Variants in SPRED2 observed in about 807,000 individuals in gnomAD.
SPRED2 encodes sprouty related EVH1 domain containing 2.
A neutral mutation model predicts 43.0 loss-of-function variants in SPRED2; 47 were observed. That is an observed-to-expected ratio of 1.09 (90% CI 0.87 to 1.40). SPRED2 has a LOEUF of 1.40. Ranked by LOEUF, SPRED2 falls within the 40% of genes most tolerant of loss-of-function variation. SPRED2 has a pLI of 0.00. For missense variants in SPRED2, 561 were observed against 586.4 expected (o/e 0.96, Z 0.45); for synonymous variants, 225 against 225.7 (o/e 1.00, Z 0.03).
At chr2:65,327,951 T>C (rs1422644747) in intron 4 of SPRED2, among the ~76,000 whole-genome samples, 3 of 152,018 alleles carry the variant, frequency 2.0e-5, no homozygotes. Context: ...CTTGAATTGC[T>C]GACCTCGTGA....
chr2:65,345,410 G>A (rs1268496290), intron 1 of SPRED2, among the ~76,000 whole-genome samples: 1 of 151,948 alleles, frequency 6.6e-6, no homozygotes, highest in African/African-American at 2.4e-5. Flanking sequence ...ATAGGCACCT[G>A]CCACCATGCC....
At chr2:65,353,073 A>C (rs769973892) in intron 1 of SPRED2, among the ~76,000 whole-genome samples, 1 of 152,210 alleles carries the variant, frequency 6.6e-6, no homozygotes, top group Non-Finnish European at 1.5e-5. Context: ...TTTGCTTTAC[A>C]ATGACTGGGG....
Position 65,432,235 on chromosome 2 carries a change from C to T in SPRED2, c.-248G>A. The T allele has an allele frequency of 1.9e-6, 1 of 529,144 alleles. No homozygotes were observed. Among genetic ancestry groups the T allele is most frequent in the East Asian group, 3.2e-5 (1 of 31,054 alleles). 32.8% of individuals were successfully genotyped at this position (529,144 alleles called of 1,614,324 possible). On this transcript the variant is annotated 5_prime_UTR_variant, in exon 1 of 6. Coordinates refer to ENST00000356388, the MANE Select transcript of SPRED2 (RefSeq NM_181784.3). ...CGCCGTGGGGAGAGGCGGGCGGAGG[C>T]TCCGGGGGCTCGGGAGCGGGCAGAG... is the stretch of plus-strand genomic sequence containing the variant.
intron 1 of SPRED2, among the ~76,000 whole-genome samples, chr2:65,370,054 G>A (rs182579794): frequency 2.5e-4 from 38 of 152,242 alleles, no homozygotes; most frequent in African/African-American, 9.1e-4. Context: ...AAGAAAATGC[G>A]GATATCAATG....
chr2:65,411,137 T>G (rs987557849), intron 1 of SPRED2, among the ~76,000 whole-genome samples: 1 of 152,208 alleles, frequency 6.6e-6, no homozygotes, highest in Non-Finnish European at 1.5e-5. Flanking sequence ...AGAAAAAAAG[T>G]TTGCTTTCCA....
At chr2:65,383,986 G>A (rs902346542) in intron 1 of SPRED2, among the ~76,000 whole-genome samples, 4 of 152,060 alleles carry the variant, frequency 2.6e-5, no homozygotes, top group Non-Finnish European at 5.9e-5. Flanking sequence ...TGTCCCACCA[G>A]AGATTTCCGG....
chr2:65,412,404 T>C (rs1421808383), intron 1 of SPRED2, among the ~76,000 whole-genome samples: 1 of 152,154 alleles, frequency 6.6e-6, no homozygotes, highest in Non-Finnish European at 1.5e-5. Context: ...CTGACAAGAA[T>C]TGCACGCCAG....
At chr2:65,366,720 A>G (rs1301954033) in intron 1 of SPRED2, 37 of 1,518,854 alleles carry the variant, frequency 2.4e-5, no homozygotes, top group Admixed American at 6.7e-5. Flanking sequence ...CTGCCTGAGA[A>G]GTGGTTTCCC....
chr2:65,315,192 G>T (rs1673198931), intron 5 of SPRED2, among the ~76,000 whole-genome samples: 1 of 152,182 alleles, frequency 6.6e-6, no homozygotes, highest in African/African-American at 2.4e-5. Context: ...GGGCATGAAG[G>T]TTTTTCAGGG....
chr2:65,400,754 C>T (rs147299383), intron 1 of SPRED2, among the ~76,000 whole-genome samples: 2 of 152,160 alleles, frequency 1.3e-5, no homozygotes, highest in East Asian at 3.9e-4. Context: ...TGGTTCAGTC[C>T]TGAATCTGGA....
At chr2:65,356,359 T>C (rs536817598) in intron 1 of SPRED2, among the ~76,000 whole-genome samples, 2 of 152,264 alleles carry the variant, frequency 1.3e-5, no homozygotes, top group East Asian at 3.9e-4. Context: ...CATACACTTC[T>C]TTCAACTTTT....
chr2:65,316,807 C>A lies in SPRED2; in HGVS notation c.515G>T (p.Cys172Phe), dbSNP rs1224715374. Residue 172 changes from cysteine (C) to phenylalanine (F), a missense_variant, in exon 5 of 6, where the codon TGT (cysteine) becomes TTT (phenylalanine). This residue lies in a region of SPRED2 where 305 missense variants were observed against 282.4 expected (regional missense o/e 1.08). Transcript: ENST00000356388. Reference protein sequence around the residue: ...PTRTISSPTSCEHRRIYTLGH... With the variant: ...PTRTISSPTSFEHRRIYTLGH... The stretch of plus-strand genomic sequence containing the variant: ...CAGGGTATAAATCCTCCGGTGCTCA[C>A]AGGATGTGGGAGAGGAGATTGTCCG... 2 of 1,613,534 alleles carry A rather than the reference C, an allele frequency of 1.2e-6. No homozygotes were observed. The highest frequency in any genetic ancestry group is 1.7e-6 in the Non-Finnish European group (2 of 1,179,876).
At chr2:65,370,257 C>A (rs544556771) in intron 1 of SPRED2, among the ~76,000 whole-genome samples, 1 of 152,174 alleles carries the variant, frequency 6.6e-6, no homozygotes, top group African/African-American at 2.4e-5. Context: ...GGTATAAATG[C>A]GACCATTCGC....
At chr2:65,391,244 CCA>C (rs1675630519) in intron 1 of SPRED2, among the ~76,000 whole-genome samples, 1 of 143,638 alleles carries the variant, frequency 7.0e-6, no homozygotes, top group Admixed American at 6.8e-5. Context: ...CATTAATTGT[CCA>C]GAGTAGGACT....
At chr2:65,315,784 G>A (rs529818373) in intron 5 of SPRED2, among the ~76,000 whole-genome samples, 7 of 152,242 alleles carry the variant, frequency 4.6e-5, no homozygotes, top group East Asian at 1.9e-4. Flanking sequence ...TCAGCCTCCC[G>A]AGTAGCTGGG....
At chr2:65,369,583 C>T (rs1346942009) in intron 1 of SPRED2, among the ~76,000 whole-genome samples, 1 of 152,224 alleles carries the variant, frequency 6.6e-6, no homozygotes, top group Non-Finnish European at 1.5e-5. Flanking sequence ...TCTGTTTGGT[C>T]GACTTGCATG....
rs1289824757 is a variant in SPRED2, at chr2:65,312,080, A to G, written c.*1421T>C. The G allele has an allele frequency of 2.8e-5, 28 of 985,308 alleles. No homozygotes were observed. The highest frequency in any genetic ancestry group is 3.4e-5 in the Non-Finnish European group (28 of 829,938). 61.0% of individuals were successfully genotyped at this position (985,308 alleles called of 1,614,324 possible). On this transcript the variant is annotated 3_prime_UTR_variant, in exon 6 of 6. Transcript: ENST00000356388. ...TGCTAGGTATAGGTAACCACTCTTC[A>G]CTTTTCTTCTTTCTTCAATAAGAAG... is the stretch of plus-strand genomic sequence containing the variant.
intron 4 of SPRED2, among the ~76,000 whole-genome samples, chr2:65,317,716 A>G (rs1235738917): frequency 6.6e-6 from 1 of 152,156 alleles, no homozygotes; most frequent in Non-Finnish European, 1.5e-5. Context: ...AGGTAAGGAT[A>G]CCGCTGGCTG....
In SPRED2 at chr2:65,384,996, G is replaced by A. The variant is rs566089330; in HGVS notation, c.27-40100C>T. On this transcript the variant is annotated intron_variant, in intron 1 of 5. Transcript: ENST00000356388. ...TCTTCTTTTTTTTTTTTTTTGAGAC[G>A]GACTCTTGCTCTGTCACCCAGGCTG... Among the ~76,000 whole-genome samples the A allele has an allele frequency of 3.2e-4, 45 of 139,050 alleles. No individual in the cohort carries two copies. The East Asian group carries it at 8.0e-3, about 25-fold the overall frequency. The allele number at this position is 139,050 out of a possible 152,430, so 91.2% of individuals were successfully genotyped here.
Sources: allele counts gnomAD v4.1 joint callset (sites outside exome capture counted in the v4.1 genomes callset), GRCh38; gene constraint gnomAD v4.1.1; regional missense constraint gnomAD v4.1.1; transcripts MANE v1.5; gene names NCBI Gene and HGNC (gene_info 2026-07-23, HGNC 2026-07-21).